The following VGLL4 variants were observed in gnomAD, a reference collection of about 807,000 sequenced individuals.
VGLL4 encodes the protein transcription cofactor vestigial-like protein 4.
Under a neutral mutation model 21.0 loss-of-function variants are expected in VGLL4, and 7 were observed. The observed-to-expected ratio is 0.33, with a 90% CI of 0.19 to 0.63. The LOEUF (loss-of-function observed/expected upper bound fraction) is 0.63, where lower values mean the gene tolerates loss of function less well. Ranked by LOEUF, VGLL4 falls within the 20% of genes least tolerant of loss-of-function variation. VGLL4 has a pLI of 0.78. For missense variants in VGLL4, 394 were observed against 425.7 expected, an observed-to-expected ratio of 0.93 and a Z score of 0.66; for synonymous variants, 222 against 173.2, an observed-to-expected ratio of 1.28 and a Z score of -2.21.
At position 11,587,947 on chromosome 3, in the gene VGLL4, T is replaced by C. The variant is rs558219588; in HGVS notation, c.272+13886A>G. Reference sequence around the variant, plus strand: ...GGTGCTACCGACTGAACCTCGCGCATGTGTGCGTTTTCGTTTTCTGTTTTC... The same window carrying C: ...GGTGCTACCGACTGAACCTCGCGCACGTGTGCGTTTTCGTTTTCTGTTTTC... On this transcript the variant is annotated intron_variant, in intron 2 of 4. Transcript: ENST00000430365. Among the ~76,000 whole-genome samples, 2 of 152,166 alleles carry C rather than the reference T, an allele frequency of 1.3e-5. 1 individual carries two copies. Among genetic ancestry groups the C allele is most frequent in the South Asian group, 4.1e-4 (2 of 4,832 alleles).
At chr3:11,627,502 A>G (rs2616550) in intron 1 of VGLL4, 19,831 of 150,966 alleles carry the variant, frequency 0.13, 1,468 homozygotes, top group South Asian at 0.23. Flanking sequence ...GGCTGAGGGA[A>G]GTGAATCGCT....
chr3:11,670,730 C>A (rs1040973587), intron 2 of VGLL4, among the ~76,000 whole-genome samples: 3 of 152,086 alleles, frequency 2.0e-5, no homozygotes, highest in African/African-American at 7.2e-5. Flanking sequence ...TTAATGGGCA[C>A]CTGCCACATA....
chr3:11,676,154 G>A (rs2076286376), intron 2 of VGLL4, among the ~76,000 whole-genome samples: 1 of 152,164 alleles, frequency 6.6e-6, no homozygotes, highest in South Asian at 2.1e-4. Context: ...TTGGGAGGCT[G>A]AGGCGTGTGG....
chr3:11,614,035 CAT>C (rs2075112621), intron 1 of VGLL4, among the ~76,000 whole-genome samples: 1 of 152,202 alleles, frequency 6.6e-6, no homozygotes, highest in South Asian at 2.1e-4. Context: ...ACTGTTTCCA[CAT>C]GTGTGAAAAT....
At chr3:11,583,398 T>C (rs1166277975) in intron 2 of VGLL4, among the ~76,000 whole-genome samples, 1 of 152,238 alleles carries the variant, frequency 6.6e-6, no homozygotes, top group African/African-American at 2.4e-5. Flanking sequence ...TCACTGTCTA[T>C]AGCAACAGTG....
At chr3:11,665,538 G>A (rs1276161171) in intron 2 of VGLL4, among the ~76,000 whole-genome samples, 4 of 152,212 alleles carry the variant, frequency 2.6e-5, no homozygotes, top group Non-Finnish European at 5.9e-5. Context: ...GAGTGACTCC[G>A]GAGTGGCAGA....
chr3:11,708,635 C>T (rs2076795363), intron 1 of VGLL4, among the ~76,000 whole-genome samples: 1 of 152,206 alleles, frequency 6.6e-6, no homozygotes, highest in Non-Finnish European at 1.5e-5. Flanking sequence ...TATTTTATTT[C>T]CTTTATGAGC....
chr3:11,645,181 A>G (rs2075769454), upstream of VGLL4, among the ~76,000 whole-genome samples: 1 of 123,874 alleles, frequency 8.1e-6, no homozygotes, highest in African/African-American at 3.4e-5. Flanking sequence ...GAACGTGTTA[A>G]CAAAATAGAA....
intron 2 of VGLL4, among the ~76,000 whole-genome samples, chr3:11,696,474 C>T (rs963736119): frequency 2.1e-4 from 32 of 152,204 alleles, no homozygotes; most frequent in African/African-American, 7.7e-4. Flanking sequence ...CTGAATATTA[C>T]CGGCTCCTTT....
chr3:11,594,332 A>G (rs1335973380), intron 2 of VGLL4, among the ~76,000 whole-genome samples: 1 of 152,242 alleles, frequency 6.6e-6, no homozygotes, highest in Non-Finnish European at 1.5e-5. Context: ...TCAATCTGAT[A>G]TAGACAAAAA....
At chr3:11,608,522 G>C (rs1415409668) in intron 1 of VGLL4, among the ~76,000 whole-genome samples, 1 of 152,164 alleles carries the variant, frequency 6.6e-6, no homozygotes, top group Non-Finnish European at 1.5e-5. Context: ...AAGTTTAACA[G>C]AGAGAAATGA....
At chr3:11,707,715 C>A (rs115299674) in intron 1 of VGLL4, among the ~76,000 whole-genome samples, 2,444 of 151,638 alleles carry the variant, frequency 0.016, 59 homozygotes, top group African/African-American at 0.051. Context: ...AAAAATTAGC[C>A]GGGCATAGGG....
At chr3:11,660,240 C>T (rs1477514819) in intron 2 of VGLL4, among the ~76,000 whole-genome samples, 1 of 152,162 alleles carries the variant, frequency 6.6e-6, no homozygotes, top group East Asian at 1.9e-4. Flanking sequence ...CTGCCACAGA[C>T]TGGCTGCGTG....
chr3:11,589,706 C>T (rs1455657383), intron 2 of VGLL4, among the ~76,000 whole-genome samples: 2 of 152,194 alleles, frequency 1.3e-5, no homozygotes, highest in Non-Finnish European at 2.9e-5. Context: ...GTCTGAGATT[C>T]GGACGCCAGC....
intron 1 of VGLL4, chr3:11,626,310 C>T (rs2075351410): frequency 2.2e-6 from 1 of 453,710 alleles, no homozygotes; most frequent in East Asian, 6.9e-5. Context: ...AAAAAATACA[C>T]TGCAAGCACA....
At chr3:11,628,156 A>C (rs1360699086) in intron 1 of VGLL4, among the ~76,000 whole-genome samples, 1 of 152,192 alleles carries the variant, frequency 6.6e-6, no homozygotes, top group East Asian at 1.9e-4. Flanking sequence ...TGGGAGGCCA[A>C]GGTGGGCAGA....
intron 2 of VGLL4, among the ~76,000 whole-genome samples, chr3:11,598,095 C>G (rs2074691633): frequency 6.6e-6 from 1 of 152,072 alleles, no homozygotes; most frequent in African/African-American, 2.4e-5. Context: ...ATGATCTCGG[C>G]TCACTGCAAC....
intron 1 of VGLL4, among the ~76,000 whole-genome samples, chr3:11,641,484 T>G (rs899996835): frequency 2.0e-5 from 3 of 152,206 alleles, no homozygotes; most frequent in Admixed American, 6.5e-5. Flanking sequence ...GTGTGATTTA[T>G]GCCCATCTTC....
chr3:11,715,738 T>G (rs2076910829), intron 1 of VGLL4, among the ~76,000 whole-genome samples: 1 of 152,198 alleles, frequency 6.6e-6, no homozygotes, highest in African/African-American at 2.4e-5. Flanking sequence ...TGAGATTCCT[T>G]CCGGCTTCTG....
Sources: allele counts gnomAD v4.1 joint callset (sites outside exome capture counted in the v4.1 genomes callset), GRCh38; gene constraint gnomAD v4.1.1; transcripts MANE v1.5; gene names NCBI Gene and HGNC (gene_info 2026-07-23, HGNC 2026-07-21).